The following SCEL variants were observed in gnomAD, a reference collection of about 807,000 sequenced individuals.
The protein encoded by SCEL is sciellin.
SCEL carries 113 observed loss-of-function variants against 117.6 expected under a neutral mutation model. The ratio of observed to expected loss-of-function variants is 0.96; its 90% CI spans 0.83 to 1.12. The LOEUF (loss-of-function observed/expected upper bound fraction) is 1.12. Among genes scored for constraint, SCEL ranks in the 50% most tolerant of loss-of-function variants. The pLI is 0.00. For synonymous variants in SCEL, 270 were observed against 256.2 expected (o/e 1.05, Z -0.51); for missense variants, 785 against 810.8 (o/e 0.97, Z 0.39).
At chr13:77,601,903 A>C (rs1171424718) in intron 15 of SCEL, among the ~76,000 whole-genome samples, 162 bp from the exon 16 acceptor site, 1 of 152,206 alleles carries the variant, frequency 6.6e-6, no homozygotes, top group Non-Finnish European at 1.5e-5. Flanking sequence ...AGCCACCTGA[A>C]TTCAGTATTT....
At chr13:77,548,936 C>G (rs992591868) in intron 1 of SCEL, among the ~76,000 whole-genome samples, 1 of 152,118 alleles carries the variant, frequency 6.6e-6, no homozygotes, top group African/African-American at 2.4e-5. Context: ...TGCATATATA[C>G]CCTTTTTTCT....
In SCEL at chr13:77,628,096, A is replaced by T. The variant is rs112512623; in HGVS notation, c.1691+87A>T. 2.7e-5 allele frequency: 7 copies of T among 263,380 alleles called. 1 individual carries two copies. The highest frequency in any genetic ancestry group is 9.3e-5 in the African/African-American group (4 of 42,914). 16.3% of individuals were successfully genotyped at this position (263,380 alleles called of 1,614,324 possible). ...ATAGCCTTAGAAGATTATATATATA[A>T]AATATAATATTATATATTATGTAAT... is the stretch of plus-strand genomic sequence containing the variant. On this transcript the variant is annotated intron_variant, in intron 28 of 32. Coordinates refer to ENST00000349847, the MANE Select transcript of SCEL (RefSeq NM_144777.3).
rs1265357152 is a variant in SCEL at position 77,616,002 on chromosome 13, CTCTGTGTGTGTGTGTGTG to C, written c.1452-1595_1452-1578del. On this transcript the variant is annotated intron_variant, in intron 24 of 32. Coordinates refer to ENST00000349847, the MANE Select transcript of SCEL (RefSeq NM_144777.3). The stretch of plus-strand genomic sequence containing the variant: ...ATATTATTTCATAAAATTTATGTCT[CTCTGTGTGTGTGTGTGTG>C]TGTGTGTGTGTGTGTGTGTGTGTGT... Among the ~76,000 whole-genome samples, 78 of 141,916 alleles carry C rather than the reference CTCTGTGTGTGTGTGTGTG, an allele frequency of 5.5e-4. 1 individual carries two copies. Among genetic ancestry groups the C allele is most frequent in the Non-Finnish European group, 8.7e-4 (56 of 64,040 alleles). The allele number at this position is 141,916 out of a possible 152,430, so 93.1% of individuals were successfully genotyped here. A position where few individuals can be genotyped will look rare whatever the true frequency, so the allele number is the denominator to read the frequency against.
chr13:77,625,081 G>A (rs911021320), intron 27 of SCEL, among the ~76,000 whole-genome samples: 1 of 152,128 alleles, frequency 6.6e-6, no homozygotes. Flanking sequence ...GAATCACTTT[G>A]AGAAACAAAG....
At chr13:77,560,015 G>A in intron 4 of SCEL, 152 bp downstream of exon 4, 1 of 704,906 alleles carries the variant, frequency 1.4e-6, no homozygotes, top group Non-Finnish European at 2.4e-6. Flanking sequence ...TATCATCAGA[G>A]GTTTCCACAA....
intron 9 of SCEL, among the ~76,000 whole-genome samples, chr13:77,572,482 C>T (rs1279442407): frequency 1.3e-5 from 2 of 152,162 alleles, no homozygotes; most frequent in African/African-American, 4.8e-5. Flanking sequence ...CACGAAGTGC[C>T]ACTGGGTGGC....
intron 24 of SCEL, among the ~76,000 whole-genome samples, chr13:77,616,210 T>C (rs1353905345): frequency 6.6e-6 from 1 of 152,034 alleles, no homozygotes; most frequent in Non-Finnish European, 1.5e-5. Context: ...TTTTTTATGT[T>C]ACTTACTCTT....
intron 32 of SCEL, among the ~76,000 whole-genome samples, chr13:77,643,710 C>T (rs1316515994): frequency 6.6e-6 from 1 of 151,990 alleles, no homozygotes; most frequent in Non-Finnish European, 1.5e-5. Context: ...AGAAAATGCT[C>T]TGAAAAAAAT....
chr13:77,581,341 AT>A (rs1441805927), intron 9 of SCEL, among the ~76,000 whole-genome samples: 6 of 152,346 alleles, frequency 3.9e-5, no homozygotes, highest in African/African-American at 7.2e-5. Context: ...CTAATTCGCA[AT>A]CTGTAAATGA....
rs2090698697 is a variant in SCEL, at chr13:77,644,334, T to C, written c.*60T>C. The C allele has an allele frequency of 6.6e-7, 1 of 1,526,496 alleles. No individual in the cohort carries two copies. Among genetic ancestry groups the C allele is most frequent in the South Asian group, 1.1e-5 (1 of 87,466 alleles). 94.6% of individuals were successfully genotyped at this position (1,526,496 alleles called of 1,614,324 possible). Reference sequence around the variant, plus strand: ...ATTAAGGAATTAAAGTTACAAGTTTTATCTTAATAATATGTAATCTAGAAA... The same window carrying C: ...ATTAAGGAATTAAAGTTACAAGTTTCATCTTAATAATATGTAATCTAGAAA... On this transcript the variant is annotated 3_prime_UTR_variant, in exon 33 of 33. Coordinates refer to ENST00000349847, the MANE Select transcript of SCEL (RefSeq NM_144777.3).
intron 28 of SCEL, 126 bp from the exon 29 acceptor site, chr13:77,634,253 G>C (rs2090167390): frequency 6.0e-6 from 5 of 830,214 alleles, no homozygotes; most frequent in Non-Finnish European, 9.6e-6. Flanking sequence ...TAACATTCAT[G>C]TTTCAAAGTT....
intron 9 of SCEL, among the ~76,000 whole-genome samples, chr13:77,588,934 TTAAA>T (rs1187386834): frequency 6.6e-6 from 1 of 152,184 alleles, no homozygotes; most frequent in Non-Finnish European, 1.5e-5. Flanking sequence ...AAGAACCTGA[TTAAA>T]TAAACTTTAA....
intron 1 of SCEL, among the ~76,000 whole-genome samples, chr13:77,548,995 T>G (rs2084150743): frequency 6.6e-6 from 1 of 152,236 alleles, no homozygotes; most frequent in Non-Finnish European, 1.5e-5. Context: ...AATATCTTTG[T>G]TATTGTGAAT....
chr13:77,547,835 T>C (rs1194579453), intron 1 of SCEL, among the ~76,000 whole-genome samples: 1 of 152,182 alleles, frequency 6.6e-6, no homozygotes, highest in African/African-American at 2.4e-5. Flanking sequence ...CCTCTTTCTC[T>C]CTGTTAATGA....
intron 19 of SCEL, chr13:77,606,624 G>T (rs1222293622): frequency 6.6e-6 from 1 of 152,072 alleles, no homozygotes; most frequent in African/African-American, 2.4e-5. Flanking sequence ...GCTTCTGTGG[G>T]GCTAATTGTT....
intron 9 of SCEL, among the ~76,000 whole-genome samples, chr13:77,586,062 C>CCT (rs2154399493): frequency 6.6e-6 from 1 of 152,256 alleles, no homozygotes; most frequent in South Asian, 2.1e-4. Context: ...TTGTGAGCTT[C>CCT]TCATCTTTGT....
chr13:77,628,064 ATATTGTATAGCCT>A, intron 28 of SCEL, 55 bp downstream of exon 28: 5 of 581,278 alleles, frequency 8.6e-6, no homozygotes, highest in Non-Finnish European at 1.4e-5. Flanking sequence ...GCATCTGCAT[ATATTGTATAGCCT>A]TAGAAGATTA....
Position 77,591,403 on chromosome 13 carries a change from A to C in SCEL, c.635A>C (p.His212Pro). 1 of 1,578,648 alleles carries C rather than the reference A, an allele frequency of 6.3e-7. No homozygotes were observed. Among genetic ancestry groups the C allele is most frequent in the Non-Finnish European group, 8.7e-7 (1 of 1,149,772 alleles). Residue 212 changes from histidine (H) to proline (P), a missense_variant, in exon 11 of 33, where the codon CAT (histidine) becomes CCT (proline). By Grantham distance (77) the His-to-Pro change is moderately conservative (BLOSUM62 -2). Transcript: ENST00000349847. ...TAACTTTGAAAATATAGGCAGATAC[A>C]TCCACCTAAACCAGGTGTATATACA... ...NQLRQDNRQIHPPKPGVYTET... is the reference protein window; with the variant it reads ...NQLRQDNRQIPPPKPGVYTET...
At chr13:77,633,876 T>C (rs2181613) in intron 28 of SCEL, among the ~76,000 whole-genome samples, 150,623 of 152,352 alleles carry the variant, frequency 0.99, 74,473 homozygotes, top group East Asian at 1. Context: ...GGATAGGAAA[T>C]TATCAAACGT....
Sources: allele counts gnomAD v4.1 joint callset (sites outside exome capture counted in the v4.1 genomes callset), GRCh38; gene constraint gnomAD v4.1.1; transcripts MANE v1.5; gene names NCBI Gene and HGNC (gene_info 2026-07-23, HGNC 2026-07-21).